Variants in SH2B1 observed in about 807,000 individuals in gnomAD.
SH2B1 encodes the protein SH2B adaptor protein 1, also known as SH2B adapter protein 1.
In SH2B1, 15 loss-of-function variants were observed where a neutral mutation model predicts 62.6. The observed-to-expected ratio is 0.24, with a 90% confidence interval of 0.16 to 0.37. The LOEUF (loss-of-function observed/expected upper bound fraction) is 0.37, where lower values mean the gene tolerates loss of function less well. SH2B1 is among the 10% of genes least tolerant of loss of function. SH2B1 has a pLI of 1.00. For missense variants in SH2B1, 925 were observed against 1,015.6 expected, an observed-to-expected ratio of 0.91 and a Z score of 1.21; for synonymous variants, 443 against 438.0, an observed-to-expected ratio of 1.01 and a Z score of -0.14.
In SH2B1 at chr16:28,872,284, G is replaced by A. The variant is rs771085300; in HGVS notation, c.1608G>A (p.Lys536=). The change falls in exon 6 of 8, where the codon AAG becomes AAA. Residue 536 remains lysine (K), a synonymous_variant. Coordinates refer to ENST00000684370, the MANE Select transcript of SH2B1 (RefSeq NM_001387430.1). The surrounding 1 kb of genome is among the most constrained non-coding windows in gnomAD (Gnocchi z 5.3). The part of the protein sequence containing the change: ...PWFHGMLSRL[K]AAQLVLTGGT... ...TCCACGGGATGCTCTCTCGGCTCAA[G>A]GCTGCACAGTTGGTGCTGACTGGCG... 2.7e-5 allele frequency: 44 copies of A among 1,614,024 alleles called. No homozygotes were observed. The highest frequency in any genetic ancestry group is 6.7e-5 in the African/African-American group (5 of 74,942).
Position 28,864,492 on chromosome 16 carries a change from G to T in SH2B1, c.-1603G>T. ...CTCCTGCATCTCCTGATTGTTTCTC[G>T]TTGGTTTGGAGTTGTCCCTGCGGTT... On this transcript the variant is annotated 5_prime_UTR_variant, in exon 1 of 8. Transcript: ENST00000684370. 1.0e-6 allele frequency: 1 copy of T among 985,756 alleles called. No homozygotes were observed. The highest frequency in any genetic ancestry group is 1.2e-6 in the Non-Finnish European group (1 of 830,074). The allele number at this position is 985,756 out of a possible 1,614,324, so 61.1% of individuals were successfully genotyped here. A position where few individuals can be genotyped will look rare whatever the true frequency, so the allele number is the denominator to read the frequency against.
rs761639591 is a variant in SH2B1 at position 28,872,849 on chromosome 16, C to G, written c.1897+144C>G. The stretch of plus-strand genomic sequence containing the variant: ...AGCAGGGTAGAGGAGGCTGTTGTGC[C>G]TCGGGGTTTGGAAGGGAAAGAAATG... On this transcript the variant is annotated intron_variant, in intron 7 of 7. Coordinates refer to ENST00000684370, the MANE Select transcript of SH2B1 (RefSeq NM_001387430.1). The surrounding 1 kb of genome is among the most constrained non-coding windows in gnomAD (Gnocchi z 5.3). 9 of 1,142,042 alleles carry G rather than the reference C, an allele frequency of 7.9e-6. No homozygotes were observed. The highest frequency in any genetic ancestry group is 6.4e-6 in the Non-Finnish European group (5 of 783,312). 70.7% of individuals were successfully genotyped at this position (1,142,042 alleles called of 1,614,324 possible). A position where few individuals can be genotyped will look rare whatever the true frequency, so the allele number is the denominator to read the frequency against.
upstream of SH2B1, among the ~76,000 whole-genome samples, chr16:28,858,973 G>C (rs1466071928): frequency 6.6e-6 from 1 of 151,066 alleles, no homozygotes. Context: ...CATTTATTTG[G>C]TTTTTTTTAG....
chr16:28,849,579 TAATC>T lies in SH2B1; in HGVS notation c.-301+2755_-301+2758del, dbSNP rs893651154. 3.4e-3 allele frequency among the ~76,000 whole-genome samples: 523 copies of T among 152,276 alleles called. 9 individuals carry two copies. The highest frequency in any genetic ancestry group is 0.012 in the African/African-American group (499 of 41,548). ...TTAGCTTGAAAAAAAACTGGCATAA[TAATC>T]AAGTTTTTAAAAAAACAGATCAACT... On this transcript the variant is annotated intron_variant, in intron 1 of 10. Coordinates refer to the SH2B1 transcript ENST00000322610.
rs570091470 is a variant in SH2B1 at position 28,865,848 on chromosome 16, G to C, written c.-247G>C. On this transcript the variant is annotated 5_prime_UTR_variant, in exon 1 of 8. Coordinates refer to ENST00000684370, the MANE Select transcript of SH2B1 (RefSeq NM_001387430.1). ...GGGAGCCAGTTGGCTGGGGCCTGCA[G>C]GGTGCCAGGATCTGGGAGAGGGAAG... 1.2e-5 allele frequency: 15 copies of C among 1,292,230 alleles called. No homozygotes were observed. The highest frequency in any genetic ancestry group is 7.6e-5 in the Admixed American group (2 of 26,214). 80.0% of individuals were successfully genotyped at this position (1,292,230 alleles called of 1,614,324 possible).
At position 28,869,215 on chromosome 16, in the gene SH2B1, C is replaced by G. The variant is rs753661837; in HGVS notation, c.1141C>G (p.Pro381Ala). The G allele has an allele frequency of 6.8e-6, 11 of 1,614,098 alleles. No individual in the cohort carries two copies. Among genetic ancestry groups the G allele is most frequent in the Middle Eastern group, 1.6e-4 (1 of 6,062 alleles). Residue 381 changes from proline (P) to alanine (A), a missense_variant, in exon 4 of 8, where the codon CCT becomes GCT. By Grantham distance (27) the Pro-to-Ala change is conservative. This residue lies in a region of SH2B1 where 683 missense variants were observed against 704.0 expected (regional missense o/e 0.97). Transcript: ENST00000684370. ...TCTTCCCTGTCTCTGCAGACCCTGC[C>G]CTGCTACCAGTCCCCGCCCCATGAC... ...IQECLSPGPC[P>A]ATSPRPMTLP...
intron 1 of SH2B1, among the ~76,000 whole-genome samples, chr16:28,855,381 G>A (rs1463480091): frequency 2.7e-5 from 4 of 149,790 alleles, no homozygotes; most frequent in Admixed American, 6.7e-5. Context: ...CACCACACCC[G>A]ACTAATTTTT....
rs748301005 is a variant in SH2B1 at position 28,866,526 on chromosome 16, C to T, written c.432C>T (p.Ser144=). ...CAGTCTCTTCCTCCTCTACAACCTC[C>T]TCCAAGCCGAAGCTCAAGAAGCGCT... ...PSSVSSSSTT[S]SKPKLKKRFS... The change falls in exon 1 of 8, where the codon TCC becomes TCT. Residue 144 remains serine, a synonymous_variant. Coordinates refer to ENST00000684370, the MANE Select transcript of SH2B1 (RefSeq NM_001387430.1). This position sits in a 1 kb window ranked among gnomAD's most constrained non-coding sequence, Gnocchi z 6.3. 3.7e-5 allele frequency: 60 copies of T among 1,613,974 alleles called. No homozygotes were observed. The Admixed American group carries it at 9.3e-4, about 25-fold the overall frequency.
Position 28,866,712 on chromosome 16 carries a change from TG to T in SH2B1, c.621del (p.Thr208ProfsTer24). The T allele has an allele frequency of 6.3e-7, 1 of 1,589,146 alleles. No individual in the cohort carries two copies. The highest frequency in any genetic ancestry group is 8.6e-7 in the Non-Finnish European group (1 of 1,167,334). ...NSNSNSSGGAGTVGRGLVSDG... is the reference protein window; with the variant it reads ...NSNSNSSGGAXTVGRGLVSDG... ...GCAACTCCAACTCCTCTGGCGGGGC[TG>T]GGACCGTTGGTAGGGGACTGGTCAG... is the stretch of plus-strand genomic sequence containing the variant. On this transcript the variant is annotated frameshift_variant, in exon 1 of 8. Coordinates refer to ENST00000684370, the MANE Select transcript of SH2B1 (RefSeq NM_001387430.1). LOFTEE classifies it high-confidence loss of function. The surrounding 1 kb of genome is among the most constrained non-coding windows in gnomAD (Gnocchi z 6.3).
chr16:28,869,522 G>A (rs1398589898), intron 4 of SH2B1, 139 bp downstream of exon 4: 2 of 732,196 alleles, frequency 2.7e-6, no homozygotes, highest in East Asian at 5.4e-5. Context: ...CCCACCAAAT[G>A]TTGGTCTTTG....
chr16:28,863,996 G>C lies in SH2B1; in HGVS notation c.-2099G>C. The C allele has an allele frequency of 7.1e-7, 1 of 1,409,332 alleles. No homozygotes were observed. The highest frequency in any genetic ancestry group is 2.7e-5 in the East Asian group (1 of 37,668). The allele number at this position is 1,409,332 out of a possible 1,614,324, so 87.3% of individuals were successfully genotyped here. On this transcript the variant is annotated 5_prime_UTR_variant, in exon 1 of 8. Coordinates refer to ENST00000684370, the MANE Select transcript of SH2B1 (RefSeq NM_001387430.1). The stretch of plus-strand genomic sequence containing the variant: ...CTTCAAGTACCTTTTCCCTCTCCGC[G>C]ACCCGGCCCTGGCGCCCGAGAGGAT...
At chr16:28,848,091 G>T in intron 1 of SH2B1, among the ~76,000 whole-genome samples, 1 of 151,704 alleles carries the variant, frequency 6.6e-6, no homozygotes, top group East Asian at 2.0e-4. Flanking sequence ...CTCCCAAAGT[G>T]CTGGGACTAC....
chr16:28,855,768 T>C (rs1189351226), intron 1 of SH2B1, among the ~76,000 whole-genome samples: 2 of 149,518 alleles, frequency 1.3e-5, no homozygotes, highest in Non-Finnish European at 3.0e-5. Context: ...GCCTCCGGAG[T>C]AGCTGGGACT....
At chr16:28,871,600 C>T (rs1013891260) in intron 4 of SH2B1, among the ~76,000 whole-genome samples, 180 bp from the exon 5 acceptor site, 4 of 152,194 alleles carry the variant, frequency 2.6e-5, no homozygotes, top group Admixed American at 6.5e-5. Flanking sequence ...CCCTCAGCAG[C>T]GCAGGAAGCA....
chr16:28,853,190 G>C (rs1470927721), intron 1 of SH2B1, among the ~76,000 whole-genome samples: 2 of 132,430 alleles, frequency 1.5e-5, no homozygotes, highest in Admixed American at 1.7e-4. Context: ...TTTGGGTACG[G>C]AGTCTTGCTC....
At position 28,866,020 on chromosome 16, in the gene SH2B1, G is replaced by GCCCACCCCTCGTCTTCTGGCTGCCT; in HGVS notation, c.-71_-47dup. On this transcript the variant is annotated 5_prime_UTR_variant, in exon 1 of 8. Coordinates refer to ENST00000684370, the MANE Select transcript of SH2B1 (RefSeq NM_001387430.1). This position sits in a 1 kb window ranked among gnomAD's most constrained non-coding sequence, Gnocchi z 6.3. ...CTCTCTTCCTTTCGCAGCTGCTGCC[G>GCCCACCCCTCGTCTTCTGGCTGCCT]CCCACCCCTCGTCTTCTGGCTGCCT... 1 of 1,499,556 alleles carries GCCCACCCCTCGTCTTCTGGCTGCCT rather than the reference G, an allele frequency of 6.7e-7. No homozygotes were observed. Among genetic ancestry groups the GCCCACCCCTCGTCTTCTGGCTGCCT allele is most frequent in the South Asian group, 1.3e-5 (1 of 74,942 alleles). 92.9% of individuals were successfully genotyped at this position (1,499,556 alleles called of 1,614,324 possible). A position where few individuals can be genotyped will look rare whatever the true frequency, so the allele number is the denominator to read the frequency against.
In SH2B1 at chr16:28,872,108, AG is replaced by A; in HGVS notation, c.1514-78del. On this transcript the variant is annotated intron_variant, in intron 5 of 7. Transcript: ENST00000684370. The surrounding 1 kb of genome is among the most constrained non-coding windows in gnomAD (Gnocchi z 5.3). The stretch of plus-strand genomic sequence containing the variant: ...ACGCATGTGGGGAGCAGGCGCCTTG[AG>A]GGGAAGGCAAGGCTTTTTTCTCCCA... 7.0e-7 allele frequency: 1 copy of A among 1,436,892 alleles called. No individual in the cohort carries two copies. Among genetic ancestry groups the A allele is most frequent in the South Asian group, 1.2e-5 (1 of 85,452 alleles). 89.0% of individuals were successfully genotyped at this position (1,436,892 alleles called of 1,614,324 possible). A position where few individuals can be genotyped will look rare whatever the true frequency, so the allele number is the denominator to read the frequency against.
rs376101292 is a variant in SH2B1, at chr16:28,852,377, C to T, written c.-301+5550C>T. Among the ~76,000 whole-genome samples the T allele has an allele frequency of 4.0e-3, 147 of 36,874 alleles. 14 individuals carry two copies. Among genetic ancestry groups the T allele is most frequent in the South Asian group, 6.3e-3 (5 of 800 alleles). 24.2% of individuals were successfully genotyped at this position (36,874 alleles called of 152,430 possible). On this transcript the variant is annotated intron_variant, in intron 1 of 10. Transcript: ENST00000322610. Reference sequence around the variant, plus strand: ...TTATATATATATTTATATATATTTACATATATTTATATATATACATATATA... The same window carrying T: ...TTATATATATATTTATATATATTTATATATATTTATATATATACATATATA...
At position 28,866,200 on chromosome 16, in the gene SH2B1, G is replaced by C; in HGVS notation, c.106G>C (p.Ala36Pro). Reference protein sequence around the residue: ...WREFCESHARAAALDFARRFR... With the variant: ...WREFCESHARPAALDFARRFR... Reference sequence around the variant, plus strand: ...GGAGTTCTGTGAGTCCCACGCCCGGGCTGCGGCTCTGGACTTTGCCCGCCG... The same window carrying C: ...GGAGTTCTGTGAGTCCCACGCCCGGCCTGCGGCTCTGGACTTTGCCCGCCG... Residue 36 changes from alanine (A) to proline (P), a missense_variant, in exon 1 of 8, where the codon GCT (alanine) becomes CCT (proline). Physicochemically the swap from Ala to Pro is conservative, Grantham distance 27 (BLOSUM62 -1). Transcript: ENST00000684370. This position sits in a 1 kb window ranked among gnomAD's most constrained non-coding sequence, Gnocchi z 6.3. The C allele has an allele frequency of 6.3e-7, 1 of 1,595,612 alleles. No homozygotes were observed. Among genetic ancestry groups the C allele is most frequent in the Non-Finnish European group, 8.5e-7 (1 of 1,173,140 alleles).
Sources: gnomAD v4.1 joint callset for allele counts (sites outside exome capture counted in the v4.1 genomes callset) on GRCh38, gnomAD v4.1.1 for gene constraint, gnomAD v4.1.1 regional missense constraint, Gnocchi (gnomAD v3.1) non-coding constraint, MANE v1.5 for transcripts, NCBI Gene and HGNC (gene_info 2026-07-23, HGNC 2026-07-21) for gene names.